The following USP8 variants were observed in gnomAD, a reference collection of about 807,000 sequenced individuals.
USP8 encodes ubiquitin carboxyl-terminal hydrolase 8.
A neutral mutation model predicts 130.0 loss-of-function variants in USP8; 27 were observed. The ratio of observed to expected loss-of-function variants is 0.21; its 90% CI spans 0.15 to 0.29. The LOEUF is 0.29. USP8 is among the 10% of genes least tolerant of loss of function. The pLI is 1.00. For synonymous variants in USP8, 392 were observed against 444.1 expected (o/e 0.88, Z 1.48); for missense variants, 1,029 against 1,312.2 (o/e 0.78, Z 3.33).
chr15:50,458,968 A>G, intron 4 of USP8, 32 bp from the exon 5 acceptor site: 2 of 1,609,774 alleles, frequency 1.2e-6, no homozygotes, highest in African/African-American at 1.3e-5. Context: ...TAACGCCAAT[A>G]AAAGACAATC....
At chr15:50,436,962 G>A (rs2050109689) in intron 1 of USP8, among the ~76,000 whole-genome samples, 1 of 151,946 alleles carries the variant, frequency 6.6e-6, no homozygotes. Context: ...GAGCCACCAT[G>A]CCCAGCCCCA....
At chr15:50,452,579 C>T (rs79134951) in intron 4 of USP8, among the ~76,000 whole-genome samples, 41 of 152,324 alleles carry the variant, frequency 2.7e-4, no homozygotes, top group Non-Finnish European at 5.7e-4. Context: ...AGACAGTTCA[C>T]ATACTGTTCC....
chr15:50,452,021 T>C (rs535087080), intron 4 of USP8, among the ~76,000 whole-genome samples: 2 of 152,336 alleles, frequency 1.3e-5, no homozygotes, highest in African/African-American at 2.4e-5. Flanking sequence ...CTGGCCCCTG[T>C]CCTAGGGGTG....
intron 3 of USP8, among the ~76,000 whole-genome samples, chr15:50,443,604 C>T (rs554181746): frequency 2.0e-5 from 3 of 152,164 alleles, no homozygotes; most frequent in Admixed American, 2.0e-4. Context: ...CTGCCTCAGC[C>T]TCCCGAGTAG....
At chr15:50,443,926 C>T (rs1030103322) in intron 3 of USP8, among the ~76,000 whole-genome samples, 6 of 152,104 alleles carry the variant, frequency 3.9e-5, no homozygotes, top group Non-Finnish European at 2.9e-5. Flanking sequence ...AGGTAAGAGA[C>T]AGAGGCCTTC....
At chr15:50,437,406 GA>G (rs1369915503) in intron 1 of USP8, among the ~76,000 whole-genome samples, 1 of 152,048 alleles carries the variant, frequency 6.6e-6, no homozygotes, top group African/African-American at 2.4e-5. Flanking sequence ...AATTCAATTT[GA>G]TTTTTAAACT....
In USP8 at chr15:50,476,951, A is replaced by G; in HGVS notation, c.952A>G (p.Thr318Ala). Residue 318 changes from threonine (T) to alanine (A), a missense_variant, in exon 9 of 20, where the codon ACT becomes GCT. Transcript: ENST00000307179. ...CCAGTATACAACAAATGCTAAGGTC[A>G]CTCCACCCCCACGACGCCAGAATGA... ...YPQYTTNAKVTPPPRRQNEEV... is the reference protein window; with the variant it reads ...YPQYTTNAKVAPPPRRQNEEV... The G allele has an allele frequency of 6.2e-7, 1 of 1,607,530 alleles. No individual in the cohort carries two copies.
In USP8 at chr15:50,509,919, G is replaced by T. The variant is rs1316560636; in HGVS notation, c.*10831G>T. On this transcript the variant is annotated 3_prime_UTR_variant, in exon 20 of 20. Transcript: ENST00000307179. ...TAATCGAAATACTACTGAAAAATAA[G>T]AATAAAGTTGTGATGGTAATGACTT... 1 of 152,048 alleles carries T rather than the reference G, an allele frequency of 6.6e-6. No homozygotes were observed. Among genetic ancestry groups the T allele is most frequent in the Non-Finnish European group, 1.5e-5 (1 of 67,990 alleles). 9.4% of individuals were successfully genotyped at this position (152,048 alleles called of 1,614,324 possible).
rs570522944 is a variant in USP8 at position 50,480,096 on chromosome 15, G to A, written c.1219-1385G>A. 5.3e-5 allele frequency among the ~76,000 whole-genome samples: 8 copies of A among 152,108 alleles called. No homozygotes were observed. In the South Asian group the frequency reaches 8.3e-4, roughly 16 times the overall value. On this transcript the variant is annotated intron_variant, in intron 10 of 19. Transcript: ENST00000307179. ...TTTTCTAGTAGAAAAACATAAATTC[G>A]TTTTGTAAGAACACTATGTAGATTG...
chr15:50,465,725 C>G (rs1343825392), intron 7 of USP8, among the ~76,000 whole-genome samples: 1 of 152,084 alleles, frequency 6.6e-6, no homozygotes, highest in Non-Finnish European at 1.5e-5. Flanking sequence ...CTGAAATTCC[C>G]TATATTTACT....
chr15:50,439,286 C>T (rs1369207928), intron 2 of USP8, 109 bp downstream of exon 2: 1 of 710,642 alleles, frequency 1.4e-6, no homozygotes, highest in Non-Finnish European at 2.2e-6. Context: ...AACACCATCA[C>T]ACGAATAAAG....
At chr15:50,454,498 G>A (rs1345701616) in intron 4 of USP8, among the ~76,000 whole-genome samples, 1 of 146,794 alleles carries the variant, frequency 6.8e-6, no homozygotes, top group Non-Finnish European at 1.5e-5. Flanking sequence ...GTCTCACCCA[G>A]GCTGGAGTGC....
intron 7 of USP8, 128 bp downstream of exon 7, chr15:50,465,319 C>A: frequency 1.5e-5 from 7 of 460,420 alleles, no homozygotes; most frequent in Non-Finnish European, 2.3e-5. Flanking sequence ...CTTTTTAAAT[C>A]TTTGCCTCTT....
chr15:50,424,826 G>GT (rs57263195), intron 1 of USP8, among the ~76,000 whole-genome samples: 30,502 of 144,366 alleles, frequency 0.21, 3,500 homozygotes, highest in East Asian at 0.42. Flanking sequence ...CTTGCTTCCG[G>GT]TTTTTTTTTT....
rs553634288 is a variant in USP8 at position 50,495,486 on chromosome 15, A to AG, written c.2659-354dup. 2.3e-3 allele frequency among the ~76,000 whole-genome samples: 242 copies of AG among 106,836 alleles called. 12 individuals are homozygous for AG. The highest frequency in any genetic ancestry group is 0.011 in the Admixed American group (104 of 9,188). The allele number at this position is 106,836 out of a possible 152,430, so 70.1% of individuals were successfully genotyped here. A position where few individuals can be genotyped will look rare whatever the true frequency, so the allele number is the denominator to read the frequency against. On this transcript the variant is annotated intron_variant, in intron 16 of 19. Coordinates refer to ENST00000307179, the MANE Select transcript of USP8 (RefSeq NM_005154.5). Reference sequence around the variant, plus strand: ...TTTTTCTTTTTTTAGTAGAGATTGGAGGGGGGGGTCTCACTATGTTGCACA... The same window carrying AG: ...TTTTTCTTTTTTTAGTAGAGATTGGAGGGGGGGGGTCTCACTATGTTGCACA...
chr15:50,468,648 C>T (rs779196342), intron 7 of USP8, among the ~76,000 whole-genome samples: 25 of 152,020 alleles, frequency 1.6e-4, no homozygotes, highest in Non-Finnish European at 3.2e-4. Flanking sequence ...ATTTTATCAC[C>T]GAGGTATTAA....
At position 50,449,410 on chromosome 15, in the gene USP8, A is replaced by T; in HGVS notation, c.260A>T (p.His87Leu). 1 of 1,579,534 alleles carries T rather than the reference A, an allele frequency of 6.3e-7. No homozygotes were observed. Among genetic ancestry groups the T allele is most frequent in the Non-Finnish European group, 8.6e-7 (1 of 1,162,328 alleles). Residue 87 changes from histidine to leucine, a missense_variant, in exon 4 of 20, where the codon CAT (histidine) becomes CTT (leucine). Physicochemically the swap from His to Leu is moderately conservative, Grantham distance 99. Around this residue, in one of 4 missense-constraint regions of USP8, gnomAD observed 281 missense variants for 336.7 expected, o/e 0.83. Transcript: ENST00000307179. Reference sequence around the variant, plus strand: ...TTCCTATAATTTTAGGATTATTTCCATTCAATACTTGGACCTGGAAACATC... The same window carrying T: ...TTCCTATAATTTTAGGATTATTTCCTTTCAATACTTGGACCTGGAAACATC... ...PDFKQQQDYF[H>L]SILGPGNIKK...
chr15:50,492,648 T>TA (rs2052220374), intron 14 of USP8, 53 bp from the exon 15 acceptor site: 11 of 1,581,530 alleles, frequency 7.0e-6, no homozygotes, highest in African/African-American at 1.4e-5. Context: ...TATAGAACCT[T>TA]AATTTCATAT....
chr15:50,440,090 T>TAA (rs1335874191), intron 2 of USP8, among the ~76,000 whole-genome samples: 1 of 151,966 alleles, frequency 6.6e-6, no homozygotes, highest in Non-Finnish European at 1.5e-5. Flanking sequence ...AAAATAAAAT[T>TAA]AAAAAGATCT....
Sources: allele counts gnomAD v4.1 joint callset (sites outside exome capture counted in the v4.1 genomes callset), GRCh38; gene constraint gnomAD v4.1.1; regional missense constraint gnomAD v4.1.1; transcripts MANE v1.5; gene names NCBI Gene and HGNC (gene_info 2026-07-23, HGNC 2026-07-21).